The following INPP4B variants were observed in gnomAD, a reference collection of about 807,000 sequenced individuals.
INPP4B encodes inositol polyphosphate 4-phosphatase type II.
Under a neutral mutation model 122.5 loss-of-function variants are expected in INPP4B, and 55 were observed. The ratio of observed to expected loss-of-function variants is 0.45; its 90% CI spans 0.36 to 0.56. The LOEUF (loss-of-function observed/expected upper bound fraction) is 0.56. Ranked by LOEUF, INPP4B falls within the 20% of genes least tolerant of loss-of-function variation. INPP4B has a pLI of 0.00. For synonymous variants in INPP4B, 403 were observed against 388.7 expected (o/e 1.04, Z -0.43); for missense variants, 1,000 against 1,097.7 (o/e 0.91, Z 1.26).
intron 23 of INPP4B, 26 bp downstream of exon 23, chr4:142,108,067 C>T: frequency 1.8e-6 from 2 of 1,132,666 alleles, no homozygotes; most frequent in Non-Finnish European, 2.7e-6. Flanking sequence ...GCTATTATTG[C>T]TGTCTTCTCT....
intron 11 of INPP4B, among the ~76,000 whole-genome samples, chr4:142,248,652 A>G (rs113614915): frequency 0.034 from 4,333 of 127,800 alleles, 181 homozygotes; most frequent in African/African-American, 0.11. Context: ...GTGTGTGTGT[A>G]TGTGTGTGTG....
At chr4:142,212,787 C>T (rs911555013) in intron 12 of INPP4B, among the ~76,000 whole-genome samples, 3 of 151,850 alleles carry the variant, frequency 2.0e-5, no homozygotes, top group Non-Finnish European at 1.5e-5. Context: ...GCAAATACCA[C>T]AAGTGGATCA....
intron 2 of INPP4B, among the ~76,000 whole-genome samples, chr4:142,715,458 C>A (rs1763641931): frequency 6.6e-6 from 1 of 152,124 alleles, no homozygotes; most frequent in East Asian, 1.9e-4. Flanking sequence ...GTTGGAATAC[C>A]AGCTTTTTAA....
At chr4:142,480,446 G>A (rs575059022) in intron 2 of INPP4B, among the ~76,000 whole-genome samples, 1 of 152,100 alleles carries the variant, frequency 6.6e-6, no homozygotes, top group African/African-American at 2.4e-5. Context: ...CAGGAGACTA[G>A]GAATGAGGGA....
chr4:142,168,726 G>A (rs1009710793), intron 16 of INPP4B, among the ~76,000 whole-genome samples: 7 of 151,366 alleles, frequency 4.6e-5, no homozygotes, highest in Non-Finnish European at 8.9e-5. Context: ...TAGCTTATTC[G>A]CATGCATACA....
intron 2 of INPP4B, among the ~76,000 whole-genome samples, chr4:142,501,018 T>C (rs1823304008): frequency 6.6e-6 from 1 of 152,116 alleles, no homozygotes; most frequent in Admixed American, 6.6e-5. Context: ...AAAGAGTAAA[T>C]CTCATGTTAT....
chr4:142,783,346 T>C (rs1775198518), intron 1 of INPP4B, among the ~76,000 whole-genome samples: 1 of 152,076 alleles, frequency 6.6e-6, no homozygotes, highest in Non-Finnish European at 1.5e-5. Context: ...CTTCAAAAAG[T>C]GGGCAAAGGA....
At chr4:142,234,460 CTG>C (rs1855808035) in intron 12 of INPP4B, among the ~76,000 whole-genome samples, 1 of 152,148 alleles carries the variant, frequency 6.6e-6, no homozygotes, top group Non-Finnish European at 1.5e-5. Context: ...TTTACAATAA[CTG>C]TATCTTCTTA....
chr4:142,326,224 T>C (rs1393397926), intron 7 of INPP4B, among the ~76,000 whole-genome samples: 1 of 152,212 alleles, frequency 6.6e-6, no homozygotes, highest in East Asian at 1.9e-4. Context: ...CCTGTGGACT[T>C]AACTAAAGCA....
At chr4:142,444,953 G>T (rs1580080783) in intron 3 of INPP4B, among the ~76,000 whole-genome samples, 1 of 152,124 alleles carries the variant, frequency 6.6e-6, no homozygotes, top group African/African-American at 2.4e-5. Context: ...TCATAAGTGG[G>T]AGTTGAACAA....
intron 2 of INPP4B, among the ~76,000 whole-genome samples, chr4:142,693,684 T>C (rs1322559522): frequency 1.3e-5 from 2 of 152,142 alleles, no homozygotes; most frequent in African/African-American, 4.8e-5. Context: ...ATGATTTTTT[T>C]CCCTTGGTTT....
At chr4:142,564,419 T>C (rs890192) in intron 2 of INPP4B, among the ~76,000 whole-genome samples, 37,243 of 125,438 alleles carry the variant, frequency 0.3, 5,913 homozygotes, top group East Asian at 0.77. Context: ...AGTAGAAAAA[T>C]GTAGTGTCTT....
chr4:142,550,991 C>T (rs1487502878), intron 2 of INPP4B, among the ~76,000 whole-genome samples: 1 of 152,062 alleles, frequency 6.6e-6, no homozygotes, highest in Admixed American at 6.6e-5. Flanking sequence ...TATGAAATAA[C>T]TTGATACAAA....
intron 2 of INPP4B, among the ~76,000 whole-genome samples, chr4:142,599,249 G>A (rs536720980): frequency 6.6e-6 from 1 of 152,186 alleles, no homozygotes; most frequent in Admixed American, 6.5e-5. Flanking sequence ...CAGTCTGACT[G>A]TCTGCTAACA....
intron 7 of INPP4B, among the ~76,000 whole-genome samples, chr4:142,363,812 A>G (rs1471921704): frequency 6.6e-6 from 1 of 152,092 alleles, no homozygotes; most frequent in Non-Finnish European, 1.5e-5. Flanking sequence ...TTGTCTTCCA[A>G]CATCCATGAA....
At chr4:142,251,625 G>T (rs1305161917) in intron 11 of INPP4B, among the ~76,000 whole-genome samples, 1 of 152,040 alleles carries the variant, frequency 6.6e-6, no homozygotes, top group African/African-American at 2.4e-5. Flanking sequence ...ATCTCATTTG[G>T]CTGTAGGCTG....
chr4:142,274,731 T>C (rs964252427), intron 9 of INPP4B, among the ~76,000 whole-genome samples: 2 of 151,804 alleles, frequency 1.3e-5, no homozygotes, highest in African/African-American at 4.8e-5. Flanking sequence ...TAGCAATTCA[T>C]GTAGCAATAA....
At chr4:142,320,958 C>A (rs1769778685) in intron 7 of INPP4B, among the ~76,000 whole-genome samples, 1 of 152,116 alleles carries the variant, frequency 6.6e-6, no homozygotes, top group Non-Finnish European at 1.5e-5. Context: ...TTTCATATGA[C>A]TCCTTTTCCT....
chr4:142,390,172 T>C (rs912375027), intron 7 of INPP4B, among the ~76,000 whole-genome samples: 1 of 152,164 alleles, frequency 6.6e-6, no homozygotes. Context: ...TCTATAAGGT[T>C]TTATTAAAAA....
Sources: allele counts gnomAD v4.1 joint callset (sites outside exome capture counted in the v4.1 genomes callset), GRCh38; gene constraint gnomAD v4.1.1; transcripts MANE v1.5; gene names NCBI Gene and HGNC (gene_info 2026-07-23, HGNC 2026-07-21).